The following DOCK4 variants were observed in gnomAD, a reference collection of about 807,000 sequenced individuals.
The protein encoded by DOCK4 is dedicator of cytokinesis 4, also known as dedicator of cytokinesis protein 4.
DOCK4 carries 97 observed loss-of-function variants against 268.1 expected under a neutral mutation model. That is an observed-to-expected ratio of 0.36 (90% CI 0.31 to 0.43). The LOEUF is 0.43. DOCK4 is among the 20% of genes least tolerant of loss of function. The pLI, the probability that DOCK4 is intolerant of heterozygous loss-of-function variation, is 1.00. For synonymous variants in DOCK4, 954 were observed against 887.2 expected (o/e 1.08, Z -1.34); for missense variants, 2,145 against 2,455.7 (o/e 0.87, Z 2.67).
At chr7:111,936,520 G>A (rs1794753608) in intron 11 of DOCK4, among the ~76,000 whole-genome samples, 1 of 152,016 alleles carries the variant, frequency 6.6e-6, no homozygotes, top group Admixed American at 6.6e-5. Flanking sequence ...ATGGATGGAT[G>A]GATGGATGGA....
chr7:112,119,849 C>CT (rs573846927), intron 1 of DOCK4, among the ~76,000 whole-genome samples: 8,119 of 142,162 alleles, frequency 0.057, 461 homozygotes, highest in East Asian at 0.23. Flanking sequence ...GGGTAGATGG[C>CT]TTTTTTTTTT....
intron 6 of DOCK4, 71 bp from the exon 7 acceptor site, chr7:111,984,461 T>C: frequency 7.4e-7 from 1 of 1,352,244 alleles, no homozygotes; most frequent in Non-Finnish European, 1.0e-6. Context: ...AATTGGTTTT[T>C]TACTATATCA....
Position 111,872,525 on chromosome 7 carries a change from T to C in DOCK4, c.1784A>G (p.Asp595Gly), listed in dbSNP as rs185129443. 371 of 1,604,298 alleles carry C rather than the reference T, an allele frequency of 2.3e-4. 3 individuals carry two copies. The highest frequency in any genetic ancestry group is 5.4e-5 in the Non-Finnish European group (63 of 1,174,812). ...LDLLKWRTHPDKITGCLSKLK... is the reference protein window; with the variant it reads ...LDLLKWRTHPGKITGCLSKLK... ...TTTAGAGAGACAGCCAGTGATCTTG[T>C]CTGGGTGGGTTCTCCATTTCAAAAG... is the stretch of plus-strand genomic sequence containing the variant. The change falls in exon 18 of 53, where the codon GAC (aspartate) becomes GGC (glycine). Residue 595 changes from aspartate to glycine, a missense_variant. Coordinates refer to ENST00000428084, the MANE Select transcript of DOCK4 (RefSeq NM_001363540.2).
chr7:111,788,755 A>G lies in DOCK4; in HGVS notation c.3316-8T>C. 2 of 1,575,892 alleles carry G rather than the reference A, an allele frequency of 1.3e-6. No individual in the cohort carries two copies. Among genetic ancestry groups the G allele is most frequent in the African/African-American group, 1.3e-5 (1 of 74,540 alleles). On this transcript the variant is annotated splice_region_variant and splice_polypyrimidine_tract_variant and intron_variant, in intron 31 of 52. Coordinates refer to ENST00000428084, the MANE Select transcript of DOCK4 (RefSeq NM_001363540.2). ...AATTAGCTTGGCTTCCACCTGAAAC[A>G]TACCCAACTATTATTCTCTTTCCTC...
Position 111,811,918 on chromosome 7 carries a change from C to T in DOCK4, c.2962G>A (p.Asp988Asn). ...TTTAAGAAGTTCTTACGAAGTGCAT[C>T]TGAGAGGTATAGAACTGTTGTAATA... Reference protein sequence around the residue: ...VIITTVLYLSDALRKNFLNEN... With the variant: ...VIITTVLYLSNALRKNFLNEN... The change falls in exon 28 of 53, where the codon GAT (aspartate) becomes AAT (asparagine). Residue 988 changes from aspartate (D) to asparagine (N), a missense_variant. Physicochemically the swap from Asp to Asn is conservative, Grantham distance 23. Coordinates refer to ENST00000428084, the MANE Select transcript of DOCK4 (RefSeq NM_001363540.2). 6.5e-7 allele frequency: 1 copy of T among 1,530,764 alleles called. No homozygotes were observed. The highest frequency in any genetic ancestry group is 8.8e-7 in the Non-Finnish European group (1 of 1,130,072). 94.8% of individuals were successfully genotyped at this position (1,530,764 alleles called of 1,614,324 possible). A position where few individuals can be genotyped will look rare whatever the true frequency, so the allele number is the denominator to read the frequency against.
intron 1 of DOCK4, among the ~76,000 whole-genome samples, chr7:112,050,181 G>A (rs185573171): frequency 5.9e-5 from 9 of 152,134 alleles, no homozygotes; most frequent in Non-Finnish European, 1.3e-4. Flanking sequence ...ATAAAATCTG[G>A]CACTTTCCCC....
chr7:112,000,437 A>C (rs951590449), intron 3 of DOCK4, 57 bp downstream of exon 3: 1 of 1,084,480 alleles, frequency 9.2e-7, no homozygotes, highest in African/African-American at 1.6e-5. Context: ...GAAATAATTT[A>C]AATAACTATC....
chr7:112,204,402 G>T (rs1821197225), intron 1 of DOCK4, among the ~76,000 whole-genome samples: 1 of 152,226 alleles, frequency 6.6e-6, no homozygotes, highest in African/African-American at 2.4e-5. Context: ...AAGCCGCTTA[G>T]GAGGCGATGC....
rs375916291 is a variant in DOCK4, at chr7:111,735,182, C to T, written c.5306-15G>A. On this transcript the variant is annotated splice_polypyrimidine_tract_variant and intron_variant, in intron 50 of 52. Transcript: ENST00000428084. ...GGGGTTCACAGCTGGAAGGGAATAACACAGCTAAAAACACACGGTCCAGCT... is the reference window on the plus strand; with the variant it reads ...GGGGTTCACAGCTGGAAGGGAATAATACAGCTAAAAACACACGGTCCAGCT... 473 of 1,535,410 alleles carry T rather than the reference C, an allele frequency of 3.1e-4. No homozygotes were observed. The highest frequency in any genetic ancestry group is 3.9e-4 in the Non-Finnish European group (439 of 1,133,344).
At chr7:112,083,143 C>T (rs2135725391) in intron 1 of DOCK4, among the ~76,000 whole-genome samples, 1 of 152,064 alleles carries the variant, frequency 6.6e-6, no homozygotes, top group South Asian at 2.1e-4. Flanking sequence ...CCATAAATTG[C>T]ACTAAGGTAA....
intron 1 of DOCK4, among the ~76,000 whole-genome samples, chr7:112,193,878 T>A (rs1418523231): frequency 6.6e-6 from 1 of 152,018 alleles, no homozygotes; most frequent in African/African-American, 2.4e-5. Context: ...TGGTGAGGAC[T>A]CTCTTCCTGG....
At chr7:111,888,293 T>C (rs1424901091) in intron 16 of DOCK4, among the ~76,000 whole-genome samples, 1 of 150,214 alleles carries the variant, frequency 6.7e-6, no homozygotes, top group Non-Finnish European at 1.5e-5. Flanking sequence ...TACAGATTCA[T>C]CTAGGACTAT....
intron 8 of DOCK4, among the ~76,000 whole-genome samples, chr7:111,974,492 ATGTGTGTGTGTGTGTG>A (rs59409689): frequency 0.011 from 908 of 84,386 alleles, 11 homozygotes; most frequent in African/African-American, 0.032. Context: ...TTGAAGAGGG[ATGTGTGTGTGTGTGTG>A]TGTGTGTGTG....
chr7:111,841,059 T>G (rs1357971201), intron 25 of DOCK4, among the ~76,000 whole-genome samples: 1 of 152,166 alleles, frequency 6.6e-6, no homozygotes, highest in Non-Finnish European at 1.5e-5. Context: ...CGGTCAGCAT[T>G]TATTGAGTAT....
intron 5 of DOCK4, 107 bp from the exon 6 acceptor site, chr7:111,989,270 T>C (rs1400022150): frequency 2.1e-6 from 3 of 1,453,958 alleles, no homozygotes; most frequent in African/African-American, 2.8e-5. Context: ...CACTATGTGC[T>C]TGCCACTCTG....
chr7:111,747,402 T>G lies in DOCK4; in HGVS notation c.4458A>C (p.Glu1486Asp), dbSNP rs1796347792. The G allele has an allele frequency of 6.2e-7, 1 of 1,610,288 alleles. No homozygotes were observed. Among genetic ancestry groups the G allele is most frequent in the Admixed American group, 1.7e-5 (1 of 59,508 alleles). The change falls in exon 43 of 53, where the codon GAA (glutamate) becomes GAC (aspartate). Residue 1486 changes from glutamate (E) to aspartate (D), a missense_variant. By Grantham distance (45) the Glu-to-Asp change is conservative. This residue lies in a region of DOCK4 where 1,598 missense variants were observed against 1,986.7 expected (regional missense o/e 0.80). Transcript: ENST00000428084. ...SPLENAIEVL[E>D]NKNQQLKTLI... ...GAGTCTTCAGCTGCTGATTCTTATTTTCTAGCACTTCAATTGCATTTTCCA... is the reference window on the plus strand; with the variant it reads ...GAGTCTTCAGCTGCTGATTCTTATTGTCTAGCACTTCAATTGCATTTTCCA...
At chr7:111,835,086 A>G (rs1047649075) in intron 25 of DOCK4, among the ~76,000 whole-genome samples, 1 of 152,194 alleles carries the variant, frequency 6.6e-6, no homozygotes, top group Non-Finnish European at 1.5e-5. Flanking sequence ...AGGGGGTATA[A>G]TACCTTTTTG....
At chr7:111,814,263 G>A (rs777303193) in intron 27 of DOCK4, among the ~76,000 whole-genome samples, 2 of 152,172 alleles carry the variant, frequency 1.3e-5, no homozygotes, top group South Asian at 4.1e-4. Context: ...GCTTTTTGAA[G>A]TACACTTGCT....
intron 30 of DOCK4, among the ~76,000 whole-genome samples, chr7:111,795,768 T>C (rs1012386363): frequency 2.0e-5 from 3 of 152,170 alleles, no homozygotes; most frequent in Non-Finnish European, 4.4e-5. Flanking sequence ...CAGACCAATA[T>C]GGTGATAAGG....
Sources: allele counts gnomAD v4.1 joint callset (sites outside exome capture counted in the v4.1 genomes callset), GRCh38; gene constraint gnomAD v4.1.1; regional missense constraint gnomAD v4.1.1; transcripts MANE v1.5; gene names NCBI Gene and HGNC (gene_info 2026-07-23, HGNC 2026-07-21).